The following FER1L6 variants were observed in gnomAD, a reference collection of about 807,000 sequenced individuals.
The protein encoded by FER1L6 is fer-1 like family member 6.
FER1L6 carries 177 observed loss-of-function variants against 219.2 expected under a neutral mutation model. The ratio of observed to expected loss-of-function variants is 0.81; its 90% CI spans 0.71 to 0.91. The LOEUF is 0.91. Among genes scored for constraint, FER1L6 ranks in the 40% least tolerant of loss-of-function variants. The pLI is 0.00. For synonymous variants in FER1L6, 768 were observed against 824.3 expected (o/e 0.93, Z 1.17); for missense variants, 2,153 against 2,259.9 (o/e 0.95, Z 0.96).
intron 39 of FER1L6, among the ~76,000 whole-genome samples, chr8:124,117,728 A>C (rs1366863900): frequency 6.6e-6 from 1 of 152,158 alleles, no homozygotes; most frequent in Non-Finnish European, 1.5e-5. Context: ...TATTTCTTAT[A>C]TCTCCCATGA....
At chr8:124,056,243 T>C (rs1820289741) in intron 22 of FER1L6, among the ~76,000 whole-genome samples, 1 of 152,214 alleles carries the variant, frequency 6.6e-6, no homozygotes, top group Non-Finnish European at 1.5e-5. Context: ...CCTAGAAATA[T>C]CTCAGCCTAC....
Position 124,119,930 on chromosome 8 carries a change from G to C in FER1L6, c.*140G>C. The C allele has an allele frequency of 1.1e-6, 1 of 873,270 alleles. No homozygotes were observed. The highest frequency in any genetic ancestry group is 2.5e-5 in the South Asian group (1 of 40,018). The allele number at this position is 873,270 out of a possible 1,614,324, so 54.1% of individuals were successfully genotyped here. ...AACCCTTCTTGGAAGAGATGGAAAA[G>C]AAACATTTCCTCCCTGCTCCAACCC... On this transcript the variant is annotated 3_prime_UTR_variant, in exon 41 of 41. Transcript: ENST00000522917.
intron 1 of FER1L6, among the ~76,000 whole-genome samples, chr8:123,882,536 C>G (rs902150547): frequency 1.3e-5 from 2 of 152,172 alleles, no homozygotes; most frequent in African/African-American, 4.8e-5. Context: ...ATTGAGAACA[C>G]AGCCGTTGAT....
chr8:124,043,264 C>T (rs1819583434), intron 20 of FER1L6, among the ~76,000 whole-genome samples: 2 of 152,116 alleles, frequency 1.3e-5, no homozygotes, highest in African/African-American at 2.4e-5. Flanking sequence ...AGGTGCTAAC[C>T]CCATTTAAAT....
chr8:123,877,285 A>G (rs1817020448), intron 1 of FER1L6, among the ~76,000 whole-genome samples: 1 of 152,122 alleles, frequency 6.6e-6, no homozygotes. Flanking sequence ...GTTCACCACC[A>G]CAGTTTTATC....
At chr8:124,050,139 A>G (rs577810232) in intron 22 of FER1L6, among the ~76,000 whole-genome samples, 1 of 152,306 alleles carries the variant, frequency 6.6e-6, no homozygotes, top group East Asian at 1.9e-4. Flanking sequence ...TATACCTTTC[A>G]TCACACTAAA....
intron 16 of FER1L6, among the ~76,000 whole-genome samples, chr8:124,019,367 C>T (rs1172419689): frequency 6.6e-6 from 1 of 152,204 alleles, no homozygotes. Context: ...AGCTTTGCCC[C>T]TGTCTAGCAC....
intron 20 of FER1L6, among the ~76,000 whole-genome samples, chr8:124,044,996 T>TATCA (rs1045612861): frequency 2.6e-4 from 40 of 152,358 alleles, no homozygotes; most frequent in African/African-American, 9.1e-4. Flanking sequence ...TACAGTCTAC[T>TATCA]ATCAGTGTAA....
intron 2 of FER1L6, among the ~76,000 whole-genome samples, chr8:123,959,835 C>A (rs534017634): frequency 6.6e-6 from 1 of 152,294 alleles, no homozygotes; most frequent in Admixed American, 6.5e-5. Context: ...GAACATAAAA[C>A]AGTGTGATAT....
At chr8:124,081,489 T>G (rs551340228) in intron 32 of FER1L6, among the ~76,000 whole-genome samples, 1 of 151,938 alleles carries the variant, frequency 6.6e-6, no homozygotes, top group Admixed American at 6.6e-5. Flanking sequence ...TTTCAATTTA[T>G]CTATAAAATG....
At chr8:124,024,233 C>T (rs1010131526) in intron 18 of FER1L6, among the ~76,000 whole-genome samples, 1 of 150,766 alleles carries the variant, frequency 6.6e-6, no homozygotes, top group African/African-American at 2.4e-5. Context: ...TTTAGGGTTA[C>T]AAGTGGTTTG....
chr8:123,858,560 G>A (rs1002267543), intron 1 of FER1L6, among the ~76,000 whole-genome samples: 3 of 152,194 alleles, frequency 2.0e-5, no homozygotes, highest in African/African-American at 7.2e-5. Context: ...GGCAGATGAG[G>A]AAAGAGAGAA....
chr8:123,902,674 G>GT (rs2129738529), intron 1 of FER1L6, among the ~76,000 whole-genome samples: 1 of 152,224 alleles, frequency 6.6e-6, no homozygotes, highest in South Asian at 2.1e-4. Context: ...GTTTATGTGA[G>GT]TCCTTATGTG....
In FER1L6 at chr8:124,049,638, C is replaced by CT. The variant is rs1486574641; in HGVS notation, c.2757dup (p.Ala920CysfsTer8). 6.2e-7 allele frequency: 1 copy of CT among 1,613,962 alleles called. No individual in the cohort carries two copies. The highest frequency in any genetic ancestry group is 8.5e-7 in the Non-Finnish European group (1 of 1,179,986). On this transcript the variant is annotated frameshift_variant, in exon 22 of 41. Transcript: ENST00000522917. LOFTEE classifies it high-confidence loss of function. ...CCAGAATATTTGGGTGCCACAGTGG[C>CT]TGCTCCTGTTGTGAAGCTGGCTGAC...
At chr8:124,115,746 G>T (rs891137572) in intron 39 of FER1L6, among the ~76,000 whole-genome samples, 1 of 152,140 alleles carries the variant, frequency 6.6e-6, no homozygotes. Context: ...ACCGTATAGG[G>T]TACATGCTGT....
At position 124,076,281 on chromosome 8, in the gene FER1L6, C is replaced by A. The variant is rs372657107; in HGVS notation, c.4176C>A (p.Asp1392Glu). The A allele has an allele frequency of 1.2e-6, 2 of 1,613,852 alleles. No individual in the cohort carries two copies. Among genetic ancestry groups the A allele is most frequent in the African/African-American group, 2.7e-5 (2 of 75,048 alleles). Reference protein sequence around the residue: ...VIKLGKTEIKDRDKYIPKQLN... With the variant: ...VIKLGKTEIKERDKYIPKQLN... ...AGCTTGGCAAGACAGAAATCAAAGA[C>A]CGGGATAAATACATCCCTAAACAAC... The change falls in exon 32 of 41, where the codon GAC becomes GAA. Residue 1392 changes from aspartate (D) to glutamate (E), a missense_variant. By Grantham distance (45) the Asp-to-Glu change is conservative. Coordinates refer to ENST00000522917, the MANE Select transcript of FER1L6 (RefSeq NM_001039112.2).
intron 1 of FER1L6, among the ~76,000 whole-genome samples, chr8:123,881,090 TTA>T (rs2129661993): frequency 6.6e-6 from 1 of 152,238 alleles, no homozygotes; most frequent in South Asian, 2.1e-4. Context: ...AATTTGAGAG[TTA>T]TCTTTTGCTT....
intron 1 of FER1L6, among the ~76,000 whole-genome samples, chr8:123,898,693 A>G (rs1812793177): frequency 6.9e-6 from 1 of 145,734 alleles, no homozygotes; most frequent in African/African-American, 2.5e-5. Context: ...ATATATGTAC[A>G]TATATGTGTA....
At chr8:123,887,800 C>T (rs1371827354) in intron 1 of FER1L6, among the ~76,000 whole-genome samples, 2 of 152,128 alleles carry the variant, frequency 1.3e-5, no homozygotes, top group Admixed American at 1.3e-4. Context: ...TGTTTGCAAG[C>T]ATGTTATAGA....
Sources: allele counts gnomAD v4.1 joint callset (sites outside exome capture counted in the v4.1 genomes callset), GRCh38; gene constraint gnomAD v4.1.1; transcripts MANE v1.5; gene names NCBI Gene and HGNC (gene_info 2026-07-23, HGNC 2026-07-21).